Variants in FMNL1 observed in about 807,000 individuals in gnomAD.
FMNL1 encodes formin-like protein 1.
Under a neutral mutation model 121.3 loss-of-function variants are expected in FMNL1, and 43 were observed. The ratio of observed to expected loss-of-function variants is 0.35; its 90% CI spans 0.28 to 0.46. The LOEUF (loss-of-function observed/expected upper bound fraction) is 0.46, where lower values mean the gene tolerates loss of function less well. FMNL1 is among the 20% of genes least tolerant of loss of function. FMNL1 has a pLI of 1.00. For missense variants in FMNL1, 1,191 were observed against 1,482.4 expected, an observed-to-expected ratio of 0.80 and a Z score of 3.23; for synonymous variants, 613 against 613.5, an observed-to-expected ratio of 1.00 and a Z score of 0.01.
At position 45,247,230 on chromosome 17, in the gene FMNL1, T is replaced by A; in HGVS notation, c.*372T>A. 2 of 474,654 alleles carry A rather than the reference T, an allele frequency of 4.2e-6. No individual in the cohort carries two copies. The highest frequency in any genetic ancestry group is 7.5e-6 in the Non-Finnish European group (2 of 265,516). The allele number at this position is 474,654 out of a possible 1,614,324, so 29.4% of individuals were successfully genotyped here. On this transcript the variant is annotated 3_prime_UTR_variant, in exon 27 of 27. Coordinates refer to ENST00000331495, the MANE Select transcript of FMNL1 (RefSeq NM_005892.4). ...CAGCAGGAGCCTGGCCTGTAACTTA[T>A]AAAGTGCACCTCGCCCCCGCAAGCC...
chr17:45,237,414 C>T lies in FMNL1; in HGVS notation c.800+57C>T. ...TCTAGAGTCTTCTCCTACTTAGCCC[C>T]TTGCTTACTCTGTCCTCCAGGTCTC... On this transcript the variant is annotated intron_variant, in intron 8 of 26. Transcript: ENST00000331495. This position sits in a 1 kb window ranked among gnomAD's most constrained non-coding sequence, Gnocchi z 4.4. 5 of 1,611,168 alleles carry T rather than the reference C, an allele frequency of 3.1e-6. No homozygotes were observed. Among genetic ancestry groups the T allele is most frequent in the Non-Finnish European group, 4.2e-6 (5 of 1,177,292 alleles).
chr17:45,244,748 CCTT>C (rs2043789804), intron 19 of FMNL1, 68 bp from the exon 20 acceptor site: 2 of 1,505,338 alleles, frequency 1.3e-6, no homozygotes, highest in African/African-American at 1.4e-5. Context: ...CTCTTCTCCT[CCTT>C]GTGCAATATG....
At position 45,244,227 on chromosome 17, in the gene FMNL1, C is replaced by G; in HGVS notation, c.2500C>G (p.Leu834Val). Residue 834 changes from leucine to valine, a missense_variant, in exon 19 of 27, where the codon CTC (leucine) becomes GTC (valine). Transcript: ENST00000331495. The stretch of plus-strand genomic sequence containing the variant: ...AATGTCCATCAAGTCCTCTGACAAA[C>G]TCCGCCAGATCCTGGAGGTGAGGGG... ...ASMSIKSSDK[L>V]RQILEIVLAF... is the part of the protein sequence containing the mutation. 6.2e-7 allele frequency: 1 copy of G among 1,612,222 alleles called. No individual in the cohort carries two copies. The highest frequency in any genetic ancestry group is 1.1e-5 in the South Asian group (1 of 90,554).
chr17:45,243,240 G>A lies in FMNL1; in HGVS notation c.2133G>A (p.Glu711=), dbSNP rs373225028. 28 of 1,614,028 alleles carry A rather than the reference G, an allele frequency of 1.7e-5. No homozygotes were observed. Among genetic ancestry groups the A allele is most frequent in the Non-Finnish European group, 2.2e-5 (26 of 1,180,022 alleles). The change falls in exon 17 of 27, where the codon GAG becomes GAA. Residue 711 remains glutamate (E), a synonymous_variant. Transcript: ENST00000331495. ...CCCCCAGCAAGGCGACACTCATTGA[G>A]GCCAACCGGGCCAAGAACTTGGCCA... is the stretch of plus-strand genomic sequence containing the variant. ...QKAPSKATLI[E]ANRAKNLAIT...
At chr17:45,246,757 C>A in intron 26 of FMNL1, 110 bp from the exon 27 acceptor site, 1 of 765,086 alleles carries the variant, frequency 1.3e-6, no homozygotes, top group Non-Finnish European at 2.2e-6. Context: ...GGTACCCCTG[C>A]CATGTGCACA....
At chr17:45,242,577 G>T in intron 16 of FMNL1, 112 bp downstream of exon 16, 1 of 1,467,830 alleles carries the variant, frequency 6.8e-7, no homozygotes, top group Non-Finnish European at 9.1e-7. Context: ...CACAGATGAG[G>T]AGGGGGAGGC....
chr17:45,234,348 G>C, intron 6 of FMNL1, 148 bp downstream of exon 6: 1 of 1,360,994 alleles, frequency 7.3e-7, no homozygotes, highest in Non-Finnish European at 1.0e-6. Context: ...TACAGAGTTT[G>C]GGACACCAGT....
At chr17:45,236,847 C>T (rs772242189) in intron 7 of FMNL1, among the ~76,000 whole-genome samples, 1 of 152,164 alleles carries the variant, frequency 6.6e-6, no homozygotes, top group Non-Finnish European at 1.5e-5. Context: ...CGTGGTGGCT[C>T]ATATCTGTAA....
rs928012482 is a variant in FMNL1 at position 45,238,447 on chromosome 17, C to T, written c.895-117C>T. ...GTGGAGGTTTTGAGCAGAAGAGTGA[C>T]GTGGCTCAACTTAGAATTAACTGGA... On this transcript the variant is annotated intron_variant, in intron 9 of 26. Transcript: ENST00000331495. 124 of 999,780 alleles carry T rather than the reference C, an allele frequency of 1.2e-4. 1 individual carries two copies. The highest frequency in any genetic ancestry group is 2.7e-4 in the Admixed American group (12 of 44,906). The allele number at this position is 999,780 out of a possible 1,614,324, so 61.9% of individuals were successfully genotyped here. A position where few individuals can be genotyped will look rare whatever the true frequency, so the allele number is the denominator to read the frequency against.
At chr17:45,244,499 G>C (rs911170630) in intron 19 of FMNL1, among the ~76,000 whole-genome samples, 1 of 152,226 alleles carries the variant, frequency 6.6e-6, no homozygotes, top group African/African-American at 2.4e-5. Context: ...CTGCTCAGTG[G>C]AGGGCCCGGG....
intron 1 of FMNL1, among the ~76,000 whole-genome samples, chr17:45,222,794 G>T (rs1164894890): frequency 6.6e-6 from 1 of 152,100 alleles, no homozygotes; most frequent in Non-Finnish European, 1.5e-5. Flanking sequence ...TCAGAGCCAG[G>T]GTGCCTGTGG....
Position 45,241,645 on chromosome 17 carries a change from G to T in FMNL1, c.1585+11G>T. ...GCTCCCCCAGCCCAGGTGCGCAGGA[G>T]CTTCAGGCTGGCGGGGATGCGGGGC... On this transcript the variant is annotated intron_variant, in intron 14 of 26. Coordinates refer to ENST00000331495, the MANE Select transcript of FMNL1 (RefSeq NM_005892.4). The surrounding 1 kb of genome is among the most constrained non-coding windows in gnomAD (Gnocchi z 7.0). 1 of 1,490,048 alleles carries T rather than the reference G, an allele frequency of 6.7e-7. No individual in the cohort carries two copies. The highest frequency in any genetic ancestry group is 1.4e-5 in the African/African-American group (1 of 71,956). The allele number at this position is 1,490,048 out of a possible 1,614,324, so 92.3% of individuals were successfully genotyped here.
rs1366580167 is a variant in FMNL1, at chr17:45,243,467, T to C, written c.2213+147T>C. ...TGGTCCAGGAAACTTGTCCCCATTT[T>C]AAGGTGGAGAAAACTCAGTCCATGC... On this transcript the variant is annotated intron_variant, in intron 17 of 26. Transcript: ENST00000331495. 7.9e-6 allele frequency: 8 copies of C among 1,017,820 alleles called. No homozygotes were observed. The East Asian group carries it at 1.0e-4, about 13-fold the overall frequency. The allele number at this position is 1,017,820 out of a possible 1,614,324, so 63.0% of individuals were successfully genotyped here.
rs1357501593 is a variant in FMNL1, at chr17:45,245,065, A to G, written c.2685A>G (p.Thr895=). 1 of 1,614,160 alleles carries G rather than the reference A, an allele frequency of 6.2e-7. No homozygotes were observed. The highest frequency in any genetic ancestry group is 8.5e-7 in the Non-Finnish European group (1 of 1,180,022). ...TTGCTGAGAAGTACCCGCAACTCAC[A>G]GGCTTCCACAGCGACCTGCACTTCC... ...KVIAEKYPQL[T]GFHSDLHFLD... Residue 895 remains threonine (T), a synonymous_variant, in exon 21 of 27, where the codon ACA becomes ACG. Transcript: ENST00000331495.
intron 11 of FMNL1, 170 bp from the exon 12 acceptor site, chr17:45,240,306 T>C: frequency 1.5e-6 from 1 of 655,700 alleles, no homozygotes; most frequent in South Asian, 3.0e-5. Context: ...AATTGTACAC[T>C]TTAAAATGGA....
In FMNL1 at chr17:45,241,575, C is replaced by T; in HGVS notation, c.1526C>T (p.Ala509Val). 1 of 1,564,118 alleles carries T rather than the reference C, an allele frequency of 6.4e-7. No individual in the cohort carries two copies. Among genetic ancestry groups the T allele is most frequent in the Non-Finnish European group, 8.7e-7 (1 of 1,154,164 alleles). ...VSIEILPVAV[A>V]TPSGGDAPTP... ...ATCGAGATCCTCCCCGTCGCTGTGG[C>T]AACTCCGAGCGGCGGTGATGCTCCG... is the stretch of plus-strand genomic sequence containing the variant. Residue 509 changes from alanine (A) to valine (V), a missense_variant, in exon 14 of 27, where the codon GCA becomes GTA. Ala to Val is a moderately conservative substitution (Grantham distance 64, BLOSUM62 0). Transcript: ENST00000331495. The surrounding 1 kb of genome is among the most constrained non-coding windows in gnomAD (Gnocchi z 7.0).
At chr17:45,232,964 T>C in intron 3 of FMNL1, 1 of 601,386 alleles carries the variant, frequency 1.7e-6, no homozygotes, top group South Asian at 1.5e-5. Context: ...TGCCTCTTTG[T>C]GTGTGTGCAT....
chr17:45,225,947 C>T (rs1255158350), intron 1 of FMNL1, among the ~76,000 whole-genome samples: 3 of 152,144 alleles, frequency 2.0e-5, no homozygotes, highest in African/African-American at 7.2e-5. Context: ...GCTCAGTAAC[C>T]CCCCTCCACT....
chr17:45,246,497 C>A lies in FMNL1; in HGVS notation c.3212-8C>A. On this transcript the variant is annotated splice_polypyrimidine_tract_variant and splice_region_variant and intron_variant, in intron 25 of 26. Coordinates refer to ENST00000331495, the MANE Select transcript of FMNL1 (RefSeq NM_005892.4). The stretch of plus-strand genomic sequence containing the variant: ...CTACTCCCCTTCACCTGCCCCACCC[C>A]CACTCAGTGATCAAGACGGTGCCCT... The A allele has an allele frequency of 6.2e-7, 1 of 1,614,212 alleles. No individual in the cohort carries two copies. The highest frequency in any genetic ancestry group is 8.5e-7 in the Non-Finnish European group (1 of 1,180,028).
Sources: gnomAD v4.1 joint callset for allele counts (sites outside exome capture counted in the v4.1 genomes callset) on GRCh38, gnomAD v4.1.1 for gene constraint, Gnocchi (gnomAD v3.1) non-coding constraint, MANE v1.5 for transcripts, NCBI Gene and HGNC (gene_info 2026-07-23, HGNC 2026-07-21) for gene names.